Variants in PTPRD observed in about 807,000 individuals in gnomAD.
PTPRD encodes receptor-type tyrosine-protein phosphatase delta.
PTPRD carries 34 observed loss-of-function variants against 214.5 expected under a neutral mutation model. That is an observed-to-expected ratio of 0.16 (90% CI 0.12 to 0.21). The LOEUF (loss-of-function observed/expected upper bound fraction) is 0.21. Among genes scored for constraint, PTPRD ranks in the 10% least tolerant of loss-of-function variants. The probability of loss-of-function intolerance (pLI) is 1.00; values close to 1 mark genes in which losing one functional copy is unlikely to be tolerated. For synonymous variants in PTPRD, 1,128 were observed against 845.7 expected (o/e 1.33, Z -5.79); for missense variants, 2,545 against 2,398.7 (o/e 1.06, Z -1.27).
chr9:10,382,042 T>C (rs1025669194), intron 2 of PTPRD, among the ~76,000 whole-genome samples: 5 of 151,960 alleles, frequency 3.3e-5, no homozygotes, highest in Non-Finnish European at 5.9e-5. Flanking sequence ...TTACTTCTTA[T>C]TCTTCAAATC....
intron 11 of PTPRD, among the ~76,000 whole-genome samples, chr9:8,931,327 G>C (rs1379746861): frequency 1.3e-5 from 2 of 151,972 alleles, no homozygotes; most frequent in Non-Finnish European, 2.9e-5. Flanking sequence ...CTATATCTGT[G>C]TTTTGGTACC....
chr9:10,139,562 G>A (rs1440461375), intron 3 of PTPRD, among the ~76,000 whole-genome samples: 1 of 151,808 alleles, frequency 6.6e-6, no homozygotes, highest in Non-Finnish European at 1.5e-5. Flanking sequence ...ATAAAAACCT[G>A]AATGGCAAAA....
Position 8,485,295 on chromosome 9 carries a change from C to T in PTPRD, c.3085G>A (p.Val1029Ile), listed in dbSNP as rs1341469793. The change falls in exon 29 of 46, where the codon GTA becomes ATA. Residue 1029 changes from valine to isoleucine, a missense_variant. Coordinates refer to ENST00000381196, the MANE Select transcript of PTPRD (RefSeq NM_002839.4). ...GACAGCAACACGGAAGTCTTCATTA[C>T]TGCTTTGACATGAAAATTTTTTGCA... Reference protein sequence around the residue: ...VFAKNFHVKAVMKTSVLLSWE... With the variant: ...VFAKNFHVKAIMKTSVLLSWE... 1.2e-6 allele frequency: 2 copies of T among 1,614,100 alleles called. No individual in the cohort carries two copies. Among genetic ancestry groups the T allele is most frequent in the Non-Finnish European group, 8.5e-7 (1 of 1,179,988 alleles).
At chr9:10,510,646 A>G (rs2047684201) in intron 2 of PTPRD, among the ~76,000 whole-genome samples, 1 of 152,130 alleles carries the variant, frequency 6.6e-6, no homozygotes, top group African/African-American at 2.4e-5. Context: ...TGCAAGGTGT[A>G]ATGATCTTAT....
chr9:8,403,818 G>C (rs1229145979), intron 36 of PTPRD, among the ~76,000 whole-genome samples: 2 of 152,150 alleles, frequency 1.3e-5, no homozygotes, highest in Non-Finnish European at 2.9e-5. Flanking sequence ...ACAGTCCCCA[G>C]TGGATATCCA....
intron 11 of PTPRD, among the ~76,000 whole-genome samples, chr9:8,990,419 A>G (rs950485523): frequency 3.3e-5 from 5 of 152,148 alleles, no homozygotes; most frequent in African/African-American, 1.2e-4. Context: ...GAACTTATCA[A>G]CTGTGTAGGT....
At chr9:9,920,433 C>T (rs1235849481) in intron 5 of PTPRD, among the ~76,000 whole-genome samples, 1 of 152,072 alleles carries the variant, frequency 6.6e-6, no homozygotes, top group East Asian at 1.9e-4. Flanking sequence ...TGTTGAAAAA[C>T]ATAATAAGGT....
chr9:9,577,117 T>C (rs2089142748), intron 7 of PTPRD, among the ~76,000 whole-genome samples: 1 of 152,192 alleles, frequency 6.6e-6, no homozygotes, highest in African/African-American at 2.4e-5. Context: ...ATATTCAAAG[T>C]ATTTGACTAG....
chr9:9,952,572 T>C (rs1403345832), intron 4 of PTPRD, among the ~76,000 whole-genome samples: 2 of 152,086 alleles, frequency 1.3e-5, no homozygotes, highest in African/African-American at 2.4e-5. Context: ...GAATCCAGAG[T>C]ACAATGATTG....
intron 9 of PTPRD, among the ~76,000 whole-genome samples, chr9:9,383,738 G>T (rs189866780): frequency 6.6e-6 from 1 of 152,022 alleles, no homozygotes; most frequent in African/African-American, 2.4e-5. Context: ...GTAGCAAACA[G>T]GCCCAAATCT....
At chr9:10,309,553 AG>A (rs2096205958) in intron 3 of PTPRD, among the ~76,000 whole-genome samples, 1 of 149,960 alleles carries the variant, frequency 6.7e-6, no homozygotes, top group Non-Finnish European at 1.5e-5. Flanking sequence ...TTAGTAGAGA[AG>A]GGGTTTCACC....
chr9:8,703,160 G>A (rs142449891), intron 12 of PTPRD, among the ~76,000 whole-genome samples: 1 of 152,178 alleles, frequency 6.6e-6, no homozygotes, highest in East Asian at 1.9e-4. Flanking sequence ...AATCTATTTA[G>A]ACTTCCTCTC....
At chr9:9,433,522 T>C (rs540227101) in intron 8 of PTPRD, among the ~76,000 whole-genome samples, 3 of 151,620 alleles carry the variant, frequency 2.0e-5, no homozygotes, top group African/African-American at 7.2e-5. Context: ...GTTTTGACTT[T>C]AGAAACTAAT....
intron 5 of PTPRD, among the ~76,000 whole-genome samples, chr9:9,845,470 G>T (rs1049484693): frequency 2.0e-5 from 3 of 151,676 alleles, no homozygotes; most frequent in Admixed American, 1.3e-4. Flanking sequence ...AGAAGCTCAT[G>T]AGCATATACG....
chr9:10,024,337 T>G (rs1477148927), intron 4 of PTPRD, among the ~76,000 whole-genome samples: 2 of 152,154 alleles, frequency 1.3e-5, no homozygotes, highest in Non-Finnish European at 1.5e-5. Flanking sequence ...AAGGAATTTT[T>G]ATTTGTTGTT....
intron 8 of PTPRD, among the ~76,000 whole-genome samples, chr9:9,503,335 A>G (rs578212886): frequency 6.6e-6 from 1 of 151,156 alleles, no homozygotes; most frequent in South Asian, 2.1e-4. Context: ...ACAGCACATC[A>G]TTTAGATGAG....
At chr9:10,536,071 C>G (rs930010354) in intron 2 of PTPRD, among the ~76,000 whole-genome samples, 2 of 152,008 alleles carry the variant, frequency 1.3e-5, no homozygotes, top group African/African-American at 4.8e-5. Context: ...TGTGAGTGAG[C>G]GGGTGTCGTG....
intron 43 of PTPRD, among the ~76,000 whole-genome samples, chr9:8,338,046 C>G (rs1272205138): frequency 6.6e-6 from 1 of 151,998 alleles, no homozygotes; most frequent in Admixed American, 6.6e-5. Context: ...AGGTCAACAG[C>G]CAGGGCCAGG....
At chr9:8,344,142 T>C (rs1306954440) in intron 39 of PTPRD, among the ~76,000 whole-genome samples, 1 of 152,096 alleles carries the variant, frequency 6.6e-6, no homozygotes, top group African/African-American at 2.4e-5. Context: ...AGACTCCAAG[T>C]AACATCTTTC....
Sources: gnomAD v4.1 joint callset for allele counts (sites outside exome capture counted in the v4.1 genomes callset) on GRCh38, gnomAD v4.1.1 for gene constraint, MANE v1.5 for transcripts, NCBI Gene and HGNC (gene_info 2026-07-23, HGNC 2026-07-21) for gene names.